The following ZNF704 variants were observed in gnomAD, a reference collection of about 807,000 sequenced individuals.
ZNF704 encodes glucocorticoid induced gene 1.
ZNF704 carries 10 observed loss-of-function variants against 44.7 expected under a neutral mutation model. The ratio of observed to expected loss-of-function variants is 0.22; its 90% CI spans 0.14 to 0.38. The LOEUF (loss-of-function observed/expected upper bound fraction) is 0.38, where lower values mean the gene tolerates loss of function less well. Among genes scored for constraint, ZNF704 ranks in the 10% least tolerant of loss-of-function variants. ZNF704 has a pLI of 1.00. For missense variants in ZNF704, 390 were observed against 545.5 expected (o/e 0.71, Z 2.84); for synonymous variants, 211 against 207.6 (o/e 1.02, Z -0.14).
chr8:80,881,914 C>T, the ZNF704 span, among the ~76,000 whole-genome samples: 7 of 151,752 alleles, frequency 4.6e-5, no homozygotes, highest in South Asian at 2.1e-4. Flanking sequence ...GGCAACAGAC[C>T]GAGACTCTGT....
At chr8:80,804,350 T>G (rs1272171198) in intron 2 of ZNF704, among the ~76,000 whole-genome samples, 1 of 152,204 alleles carries the variant, frequency 6.6e-6, no homozygotes, top group Non-Finnish European at 1.5e-5. Context: ...ATATAAGTTA[T>G]TCTATTATAA....
At chr8:80,649,672 G>A (rs1330170825) in intron 7 of ZNF704, among the ~76,000 whole-genome samples, 22 of 152,306 alleles carry the variant, frequency 1.4e-4, no homozygotes, top group Non-Finnish European at 2.9e-4. Flanking sequence ...CAGGAAGCTC[G>A]AACAGGGTGG....
intron 1 of ZNF704, among the ~76,000 whole-genome samples, chr8:80,832,939 A>G (rs912832833): frequency 6.6e-6 from 1 of 152,252 alleles, no homozygotes; most frequent in African/African-American, 2.4e-5. Flanking sequence ...TGACAATGAC[A>G]CATCAACCAC....
intron 2 of ZNF704, among the ~76,000 whole-genome samples, chr8:80,800,775 A>G (rs998035045): frequency 6.6e-6 from 1 of 152,176 alleles, no homozygotes; most frequent in African/African-American, 2.4e-5. Context: ...ACAACCAGCT[A>G]GCATCATGAT....
intron 2 of ZNF704, among the ~76,000 whole-genome samples, chr8:80,784,518 T>C (rs777631415): frequency 1.3e-5 from 2 of 152,242 alleles, no homozygotes; most frequent in African/African-American, 2.4e-5. Flanking sequence ...ACATATGATG[T>C]TGAACCTCTT....
chr8:80,776,681 A>T (rs1807415417), intron 2 of ZNF704: 1 of 152,174 alleles, frequency 6.6e-6, no homozygotes, highest in African/African-American at 2.4e-5. Context: ...GGGTCTTGCT[A>T]TGCTGCCCAG....
At chr8:80,741,644 C>T (rs142967161) in intron 2 of ZNF704, among the ~76,000 whole-genome samples, 11 of 152,304 alleles carry the variant, frequency 7.2e-5, no homozygotes, top group African/African-American at 2.2e-4. Context: ...GCTGCGACTG[C>T]GCACTTGTGC....
chr8:80,698,965 A>G (rs1423317887), intron 2 of ZNF704, among the ~76,000 whole-genome samples: 1 of 152,112 alleles, frequency 6.6e-6, no homozygotes, highest in African/African-American at 2.4e-5. Flanking sequence ...GATGTTTTAC[A>G]CCTTGGAGAG....
At chr8:80,866,994 G>A (rs1040577125) in intron 1 of ZNF704, among the ~76,000 whole-genome samples, 10 of 152,138 alleles carry the variant, frequency 6.6e-5, no homozygotes, top group Non-Finnish European at 1.5e-5. Context: ...TAATGCTTGT[G>A]TTATGGGGCC....
Position 80,628,770 on chromosome 8 carries a change from T to G in ZNF704, c.*12596A>C, listed in dbSNP as rs1817541407. 1 of 152,266 alleles carries G rather than the reference T, an allele frequency of 6.6e-6. No homozygotes were observed. The highest frequency in any genetic ancestry group is 6.5e-5 in the Admixed American group (1 of 15,292). The allele number at this position is 152,266 out of a possible 1,614,324, so 9.4% of individuals were successfully genotyped here. ...TCTGACTATAAGCCTTTTCTTCTAC[T>G]TAAATGCTTCCAGAGGACCAGTGTA... On this transcript the variant is annotated 3_prime_UTR_variant, in exon 9 of 9. Coordinates refer to ENST00000327835, the MANE Select transcript of ZNF704 (RefSeq NM_001033723.3).
At chr8:80,778,212 T>C (rs913914926) in intron 2 of ZNF704, among the ~76,000 whole-genome samples, 3 of 152,070 alleles carry the variant, frequency 2.0e-5, no homozygotes, top group Non-Finnish European at 4.4e-5. Context: ...ACAGACACTT[T>C]TCTAAAGAAG....
intron 4 of ZNF704, among the ~76,000 whole-genome samples, chr8:80,684,435 T>C (rs540134613): frequency 1.3e-5 from 2 of 152,278 alleles, no homozygotes; most frequent in East Asian, 1.9e-4. Flanking sequence ...CTCTGGTGGA[T>C]TGAGACGTGC....
chr8:80,743,697 AG>A (rs1216040273), intron 2 of ZNF704, among the ~76,000 whole-genome samples: 3 of 152,202 alleles, frequency 2.0e-5, no homozygotes, highest in Non-Finnish European at 4.4e-5. Context: ...CAGCAAACCT[AG>A]ATTAGAATCC....
intron 2 of ZNF704, among the ~76,000 whole-genome samples, chr8:80,735,626 T>A (rs1049585135): frequency 6.6e-6 from 1 of 152,204 alleles, no homozygotes; most frequent in Non-Finnish European, 1.5e-5. Flanking sequence ...TTTTGGTAAA[T>A]GAGCTGCCCA....
chr8:80,782,019 T>G (rs1174280965), intron 2 of ZNF704, among the ~76,000 whole-genome samples: 1 of 152,240 alleles, frequency 6.6e-6, no homozygotes, highest in Non-Finnish European at 1.5e-5. Flanking sequence ...TCTCATAATG[T>G]TGAACTGTGA....
At chr8:80,751,819 C>T (rs1806948912) in intron 2 of ZNF704, among the ~76,000 whole-genome samples, 1 of 152,204 alleles carries the variant, frequency 6.6e-6, no homozygotes, top group Admixed American at 6.5e-5. Context: ...ACGGTCTTGG[C>T]TCACTGCAAC....
rs915874187 is a variant in ZNF704, at chr8:80,637,856, G to C, written c.*3510C>G. The C allele has an allele frequency of 6.6e-6, 1 of 152,270 alleles. No individual in the cohort carries two copies. Among genetic ancestry groups the C allele is most frequent in the Non-Finnish European group, 1.5e-5 (1 of 68,078 alleles). 9.4% of individuals were successfully genotyped at this position (152,270 alleles called of 1,614,324 possible). A position where few individuals can be genotyped will look rare whatever the true frequency, so the allele number is the denominator to read the frequency against. ...AACTTTTCAGCTAGTGTGGTGGAGA[G>C]AAGTCCATATCTGCTAGAGATGGCC... On this transcript the variant is annotated 3_prime_UTR_variant, in exon 9 of 9. Coordinates refer to ENST00000327835, the MANE Select transcript of ZNF704 (RefSeq NM_001033723.3).
chr8:80,673,898 C>A (rs771634662), intron 4 of ZNF704, among the ~76,000 whole-genome samples: 2 of 152,220 alleles, frequency 1.3e-5, no homozygotes, highest in Non-Finnish European at 2.9e-5. Flanking sequence ...GCCCACTGTG[C>A]CCCAGAGGCT....
intron 4 of ZNF704, among the ~76,000 whole-genome samples, chr8:80,672,102 T>G (rs1483330879): frequency 6.6e-6 from 1 of 151,624 alleles, no homozygotes; most frequent in African/African-American, 2.4e-5. Context: ...TAAAAAGTGG[T>G]CAAAGGACAT....
Sources: gnomAD v4.1 joint callset for allele counts (sites outside exome capture counted in the v4.1 genomes callset) on GRCh38, gnomAD v4.1.1 for gene constraint, MANE v1.5 for transcripts, NCBI Gene and HGNC (gene_info 2026-07-23, HGNC 2026-07-21) for gene names.